Variants in CHSY1 observed in about 807,000 individuals in gnomAD.
CHSY1 encodes the protein N-acetylgalactosaminyl-proteoglycan 3-beta-glucuronosyltransferase 1.
CHSY1 carries 13 observed loss-of-function variants against 59.8 expected under a neutral mutation model. The observed-to-expected ratio is 0.22, with a 90% CI of 0.14 to 0.35. The LOEUF (loss-of-function observed/expected upper bound fraction) is 0.35. CHSY1 is among the 10% of genes least tolerant of loss of function. CHSY1 has a pLI of 1.00. For missense variants in CHSY1, 947 were observed against 1,030.6 expected (o/e 0.92, Z 1.11); for synonymous variants, 459 against 401.2 (o/e 1.14, Z -1.72).
At chr15:101,191,587 C>A (rs28635325) in intron 2 of CHSY1, among the ~76,000 whole-genome samples, 1 of 152,118 alleles carries the variant, frequency 6.6e-6, no homozygotes, top group Non-Finnish European at 1.5e-5. Flanking sequence ...AATGATATGT[C>A]ACTGTAGGTT....
rs992547970 is a variant in CHSY1 at position 101,194,489 on chromosome 15, C to T, written c.817-15509G>A. ...CTAAACTAATTTTAGATCAGAATTA[C>T]GTAGCCACAACAGCTATCCAGCCAT... On this transcript the variant is annotated intron_variant, in intron 2 of 2. Coordinates refer to ENST00000254190, the MANE Select transcript of CHSY1 (RefSeq NM_014918.5). Among the ~76,000 whole-genome samples, 4 of 152,342 alleles carry T rather than the reference C, an allele frequency of 2.6e-5. No homozygotes were observed. In the South Asian group the frequency reaches 8.3e-4, roughly 32 times the overall value.
At chr15:101,249,749 A>G (rs1567111469) in intron 1 of CHSY1, among the ~76,000 whole-genome samples, 1 of 152,002 alleles carries the variant, frequency 6.6e-6, no homozygotes, top group African/African-American at 2.4e-5. Flanking sequence ...TCCTGACCTC[A>G]GGCGATCCGC....
rs1456302436 is a variant in CHSY1 at position 101,251,338 on chromosome 15, C to G, written c.119G>C (p.Arg40Pro). 1 of 1,138,756 alleles carries G rather than the reference C, an allele frequency of 8.8e-7. No individual in the cohort carries two copies. 70.5% of individuals were successfully genotyped at this position (1,138,756 alleles called of 1,614,324 possible). The change falls in exon 1 of 3, where the codon CGG becomes CCG. Residue 40 changes from arginine (R) to proline (P), a missense_variant. By Grantham distance (103) the Arg-to-Pro change is moderately radical. Around this residue, in one of 4 missense-constraint regions of CHSY1, gnomAD observed 232 missense variants for 188.5 expected, o/e 1.23. Coordinates refer to ENST00000254190, the MANE Select transcript of CHSY1 (RefSeq NM_014918.5). Reference protein sequence around the residue: ...RASELKRAGPRRRASPEGCRS... With the variant: ...RASELKRAGPPRRASPEGCRS... ...GCAGCCCTCGGGGCTGGCGCGGCGC[C>G]GTGGGCCCGCTCGCTTCAGCTCGGA...
At chr15:101,250,994 G>A (rs2039103261) in intron 1 of CHSY1, 143 bp downstream of exon 1, 1 of 737,042 alleles carries the variant, frequency 1.4e-6, no homozygotes, top group Admixed American at 2.5e-5. Context: ...TCGGCCCGGC[G>A]TCTCCCGAGA....
At chr15:101,231,344 G>T (rs1420883920) in intron 2 of CHSY1, among the ~76,000 whole-genome samples, 1 of 152,206 alleles carries the variant, frequency 6.6e-6, no homozygotes, top group African/African-American at 2.4e-5. Context: ...TAAACGGGGA[G>T]AGAAGTAGAA....
At chr15:101,236,533 G>A (rs182990150) in intron 1 of CHSY1, among the ~76,000 whole-genome samples, 185 of 152,272 alleles carry the variant, frequency 1.2e-3, no homozygotes, top group African/African-American at 4.3e-3. Flanking sequence ...TTAAACCTCT[G>A]TTTCTGGGCC....
chr15:101,245,322 T>C (rs1489760946), intron 1 of CHSY1, among the ~76,000 whole-genome samples: 1 of 152,212 alleles, frequency 6.6e-6, no homozygotes, highest in Non-Finnish European at 1.5e-5. Context: ...TGTAGTTGTC[T>C]CTGCCTCAAA....
At chr15:101,184,499 C>A (rs1204228467) in intron 2 of CHSY1, among the ~76,000 whole-genome samples, 1 of 151,824 alleles carries the variant, frequency 6.6e-6, no homozygotes, top group East Asian at 1.9e-4. Flanking sequence ...TAAGCATACA[C>A]CACCACATAC....
At chr15:101,231,736 A>T (rs2038894908) in intron 2 of CHSY1, among the ~76,000 whole-genome samples, 1 of 152,270 alleles carries the variant, frequency 6.6e-6, no homozygotes, top group Admixed American at 6.5e-5. Flanking sequence ...AGCAAAAGTC[A>T]AAGACAAAAT....
rs753733576 is a variant in CHSY1, at chr15:101,250,703, T to C, written c.320+434A>G. The stretch of plus-strand genomic sequence containing the variant: ...GAAAGGTTCTAGAACTAGATTAACG[T>C]ACACGGGCTCCAGCTTTGCAAGGAC... On this transcript the variant is annotated intron_variant, in intron 1 of 2. Transcript: ENST00000254190. Among the ~76,000 whole-genome samples the C allele has an allele frequency of 1.6e-4, 24 of 152,334 alleles. 1 individual carries two copies. In the South Asian group the frequency reaches 1.7e-3, roughly 11 times the overall value.
rs752027638 is a variant in CHSY1, at chr15:101,178,617, G to C, written c.1180C>G (p.Arg394Gly). The C allele has an allele frequency of 6.2e-7, 1 of 1,614,090 alleles. No individual in the cohort carries two copies. The highest frequency in any genetic ancestry group is 1.3e-5 in the African/African-American group (1 of 74,926). The change falls in exon 3 of 3, where the codon CGA becomes GGA. Residue 394 changes from arginine (R) to glycine (G), a missense_variant. Arg to Gly is a moderately radical substitution (Grantham distance 125, BLOSUM62 -2). This residue lies in a region of CHSY1 where 602 missense variants were observed against 676.9 expected (regional missense o/e 0.89). Transcript: ENST00000254190. ...LYSAVDGQPP[R>G]RGMDSAQREA... ...CTCTGGGCGGAGTCCATTCCTCTTC[G>C]AGGGGGCTGGCCGTCAACTGCCGAA...
intron 2 of CHSY1, among the ~76,000 whole-genome samples, chr15:101,233,142 T>G (rs2038907610): frequency 6.6e-6 from 1 of 152,154 alleles, no homozygotes; most frequent in African/African-American, 2.4e-5. Flanking sequence ...TCGCAGGCCA[T>G]CAGAAACCTT....
rs1307204746 is a variant in CHSY1, at chr15:101,177,805, G to A, written c.1992C>T (p.Asp664=). 1.2e-6 allele frequency: 2 copies of A among 1,614,050 alleles called. No homozygotes were observed. Among genetic ancestry groups the A allele is most frequent in the Non-Finnish European group, 1.7e-6 (2 of 1,180,034 alleles). ...IYFPIIFSQY[D]PKIVYSGKVP... ...CTTTCCCACTATAAACAATCTTTGGGTCATACTGGCTGAAGATGATTGGAA... is the reference window on the plus strand; with the variant it reads ...CTTTCCCACTATAAACAATCTTTGGATCATACTGGCTGAAGATGATTGGAA... The change falls in exon 3 of 3, where the codon GAC becomes GAT. Residue 664 remains aspartate (D), a synonymous_variant. Coordinates refer to ENST00000254190, the MANE Select transcript of CHSY1 (RefSeq NM_014918.5).
chr15:101,206,244 G>A (rs538791988), intron 2 of CHSY1, among the ~76,000 whole-genome samples: 1 of 152,178 alleles, frequency 6.6e-6, no homozygotes, highest in Admixed American at 6.5e-5. Context: ...GGTGTGCCTC[G>A]TGCGCCACGG....
intron 1 of CHSY1, among the ~76,000 whole-genome samples, chr15:101,249,600 G>C (rs1169742644): frequency 7.2e-6 from 1 of 138,122 alleles, no homozygotes; most frequent in Non-Finnish European, 1.5e-5. Flanking sequence ...TGCAACCTCC[G>C]CCTCCTGGGT....
chr15:101,180,971 G>A (rs1327938396), intron 2 of CHSY1, among the ~76,000 whole-genome samples: 1 of 152,210 alleles, frequency 6.6e-6, no homozygotes, highest in Non-Finnish European at 1.5e-5. Flanking sequence ...AAGAAAGGTT[G>A]AGAAAGGTTA....
intron 2 of CHSY1, among the ~76,000 whole-genome samples, chr15:101,192,091 T>A (rs762693923): frequency 3.3e-5 from 5 of 152,234 alleles, no homozygotes; most frequent in Non-Finnish European, 5.9e-5. Context: ...TTTTTAAGCA[T>A]CTGCTATGAG....
intron 2 of CHSY1, among the ~76,000 whole-genome samples, chr15:101,195,104 C>T (rs1486478217): frequency 6.6e-6 from 1 of 152,084 alleles, no homozygotes; most frequent in African/African-American, 2.4e-5. Flanking sequence ...TATTTTTAAA[C>T]CTTCTTTATT....
intron 2 of CHSY1, among the ~76,000 whole-genome samples, chr15:101,204,137 A>G (rs2038600816): frequency 6.6e-6 from 1 of 152,204 alleles, no homozygotes; most frequent in African/African-American, 2.4e-5. Context: ...AATGGTTCAG[A>G]AAAAACTAAT....
Sources: allele counts gnomAD v4.1 joint callset (sites outside exome capture counted in the v4.1 genomes callset), GRCh38; gene constraint gnomAD v4.1.1; regional missense constraint gnomAD v4.1.1; transcripts MANE v1.5; gene names NCBI Gene and HGNC (gene_info 2026-07-23, HGNC 2026-07-21).